CORIN: variants seen among roughly 807,000 people sequenced by gnomAD.
CORIN encodes atrial natriuretic peptide-converting enzyme.
A neutral mutation model predicts 125.3 loss-of-function variants in CORIN; 117 were observed. The observed-to-expected ratio is 0.93, with a 90% CI of 0.80 to 1.09. The LOEUF is 1.09. Among genes scored for constraint, CORIN ranks in the 50% least tolerant of loss-of-function variants. The probability of loss-of-function intolerance (pLI) is 0.00; values close to 1 mark genes in which losing one functional copy is unlikely to be tolerated. For synonymous variants in CORIN, 450 were observed against 466.4 expected (o/e 0.96, Z 0.45); for missense variants, 1,253 against 1,306.7 (o/e 0.96, Z 0.63).
intron 1 of CORIN, among the ~76,000 whole-genome samples, chr4:47,825,168 T>G (rs968581351): frequency 6.6e-6 from 1 of 152,198 alleles, no homozygotes; most frequent in African/African-American, 2.4e-5. Context: ...GTGTGCGGAC[T>G]CTCCAGTTCC....
chr4:47,714,221 G>C (rs1171490513), intron 5 of CORIN, among the ~76,000 whole-genome samples: 1 of 152,096 alleles, frequency 6.6e-6, no homozygotes, highest in Non-Finnish European at 1.5e-5. Flanking sequence ...AGCTTACGTA[G>C]ACAAACTTTA....
chr4:47,742,995 T>C (rs10008014), intron 5 of CORIN, among the ~76,000 whole-genome samples: 22,375 of 152,094 alleles, frequency 0.15, 2,236 homozygotes, highest in African/African-American at 0.28. Flanking sequence ...AATTGTCTTC[T>C]AAATAATTAA....
chr4:47,595,245 TAAAAAA>T lies in CORIN; in HGVS notation c.*470_*475del, dbSNP rs1725651805. On this transcript the variant is annotated 3_prime_UTR_variant, in exon 22 of 22. Coordinates refer to ENST00000273857, the MANE Select transcript of CORIN (RefSeq NM_006587.4). ...TGTAATAAAAAAGAATTGTGGGGTA[TAAAAAA>T]AGAAAAAGAAAAGCAAGTCTCCAAT... 6.6e-6 allele frequency: 1 copy of T among 152,350 alleles called. No individual in the cohort carries two copies. The highest frequency in any genetic ancestry group is 1.5e-5 in the Non-Finnish European group (1 of 68,130). The allele number at this position is 152,350 out of a possible 1,614,324, so 9.4% of individuals were successfully genotyped here.
At chr4:47,787,702 T>A (rs1730883468) in intron 2 of CORIN, among the ~76,000 whole-genome samples, 1 of 152,268 alleles carries the variant, frequency 6.6e-6, no homozygotes, top group Non-Finnish European at 1.5e-5. Context: ...TTGTGAGATT[T>A]TGGTGCACCC....
At chr4:47,659,747 A>G (rs918378412) in intron 12 of CORIN, among the ~76,000 whole-genome samples, 1 of 152,216 alleles carries the variant, frequency 6.6e-6, no homozygotes, top group African/African-American at 2.4e-5. Context: ...TCAACATGAG[A>G]TCTGAGCAGG....
At chr4:47,790,295 CACT>C in intron 2 of CORIN, 1 of 589,836 alleles carries the variant, frequency 1.7e-6, no homozygotes, top group African/African-American at 2.0e-5. Flanking sequence ...CTGGCCTGCG[CACT>C]GGGAGGAGCG....
At chr4:47,827,314 A>T (rs370793775) in intron 1 of CORIN, among the ~76,000 whole-genome samples, 1 of 152,244 alleles carries the variant, frequency 6.6e-6, no homozygotes, top group African/African-American at 2.4e-5. Flanking sequence ...GATAAGCGTA[A>T]CAATAAAAAA....
At chr4:47,635,964 G>A (rs545994066) in intron 16 of CORIN, among the ~76,000 whole-genome samples, 99 of 152,218 alleles carry the variant, frequency 6.5e-4, no homozygotes, top group African/African-American at 2.3e-3. Flanking sequence ...TATTTACCCA[G>A]GATCCATTCA....
intron 14 of CORIN, 23 bp downstream of exon 14, chr4:47,645,058 G>C (rs748197383): frequency 1.4e-6 from 2 of 1,388,838 alleles, no homozygotes; most frequent in South Asian, 2.4e-5. Context: ...ATGCTCTGTT[G>C]ACAAATTCGC....
intron 2 of CORIN, among the ~76,000 whole-genome samples, chr4:47,787,621 A>C (rs1259026275): frequency 6.6e-6 from 1 of 152,224 alleles, no homozygotes; most frequent in East Asian, 1.9e-4. Context: ...ATACTCATTT[A>C]AAAAATTTAT....
Position 47,702,123 on chromosome 4 carries a change from A to T in CORIN, c.800-9040T>A, listed in dbSNP as rs1451314172. Among the ~76,000 whole-genome samples the T allele has an allele frequency of 2.0e-5, 3 of 152,174 alleles. No individual in the cohort carries two copies. The South Asian group carries it at 6.2e-4, about 31-fold the overall frequency. On this transcript the variant is annotated intron_variant, in intron 5 of 21. Transcript: ENST00000273857. ...AAATAAACACTTAGTTTCTTTAAAA[A>T]AATTGTGTTTAATAATACTTTAATA... is the stretch of plus-strand genomic sequence containing the variant.
intron 11 of CORIN, among the ~76,000 whole-genome samples, chr4:47,662,736 T>G (rs1724309131): frequency 6.6e-6 from 1 of 152,156 alleles, no homozygotes; most frequent in Non-Finnish European, 1.5e-5. Context: ...TCAACTAAGT[T>G]CTCATTTTTA....
intron 5 of CORIN, among the ~76,000 whole-genome samples, chr4:47,706,034 A>C (rs1010894612): frequency 1.3e-5 from 2 of 152,240 alleles, no homozygotes; most frequent in Non-Finnish European, 2.9e-5. Context: ...ACATTCTTAT[A>C]ATAAACAATA....
intron 1 of CORIN, among the ~76,000 whole-genome samples, chr4:47,835,418 A>G (rs893316684): frequency 6.6e-6 from 1 of 152,196 alleles, no homozygotes; most frequent in Non-Finnish European, 1.5e-5. Context: ...CTCCTCAGAG[A>G]GCTCTTATTA....
In CORIN at chr4:47,627,752, C is replaced by T. The variant is rs548807427; in HGVS notation, c.2199-1231G>A. On this transcript the variant is annotated intron_variant, in intron 16 of 21. Coordinates refer to ENST00000273857, the MANE Select transcript of CORIN (RefSeq NM_006587.4). ...CCTGCATCCTGAGAATTCCCTTCTG[C>T]GATAGAACTACCTATGGACCTCCTA... 5.3e-5 allele frequency among the ~76,000 whole-genome samples: 8 copies of T among 152,188 alleles called. No homozygotes were observed. The East Asian group carries it at 7.7e-4, about 15-fold the overall frequency.
chr4:47,622,184 A>AT (rs1722348958), intron 19 of CORIN, among the ~76,000 whole-genome samples: 1 of 151,654 alleles, frequency 6.6e-6, no homozygotes, highest in African/African-American at 2.4e-5. Flanking sequence ...TGAACTCATC[A>AT]TTTTTTATGG....
intron 19 of CORIN, among the ~76,000 whole-genome samples, chr4:47,606,141 G>T (rs1721636920): frequency 6.6e-6 from 1 of 152,180 alleles, no homozygotes; most frequent in Non-Finnish European, 1.5e-5. Context: ...ATGATTCCCT[G>T]CCTATACAAA....
At chr4:47,787,935 T>C (rs1415961097) in intron 2 of CORIN, among the ~76,000 whole-genome samples, 1 of 152,260 alleles carries the variant, frequency 6.6e-6, no homozygotes, top group African/African-American at 2.4e-5. Context: ...CTGGCCACTT[T>C]CTCAAGGTAT....
intron 16 of CORIN, among the ~76,000 whole-genome samples, chr4:47,638,031 T>C (rs542907765): frequency 2.0e-5 from 3 of 152,288 alleles, no homozygotes; most frequent in Admixed American, 6.5e-5. Context: ...ACTTTTTGCA[T>C]CAGTGTGACC....
Sources: allele counts gnomAD v4.1 joint callset (sites outside exome capture counted in the v4.1 genomes callset), GRCh38; gene constraint gnomAD v4.1.1; transcripts MANE v1.5; gene names NCBI Gene and HGNC (gene_info 2026-07-23, HGNC 2026-07-21).